HORMAD2: variants seen among roughly 807,000 people sequenced by gnomAD.
HORMAD2 encodes the protein HORMA domain containing 2, also known as HORMA domain-containing protein 2.
A neutral mutation model predicts 38.8 loss-of-function variants in HORMAD2; 45 were observed. That is an observed-to-expected ratio of 1.16 (90% CI 0.91 to 1.49). The LOEUF (loss-of-function observed/expected upper bound fraction) is 1.49. Among genes scored for constraint, HORMAD2 ranks in the 40% most tolerant of loss-of-function variants. The pLI, the probability that HORMAD2 is intolerant of heterozygous loss-of-function variation, is 0.00. For missense variants in HORMAD2, 338 were observed against 367.0 expected (o/e 0.92, Z 0.65); for synonymous variants, 126 against 122.8 (o/e 1.03, Z -0.17).
chr22:30,102,852 C>T (rs571024957), intron 3 of HORMAD2, among the ~76,000 whole-genome samples: 4 of 152,122 alleles, frequency 2.6e-5, no homozygotes, highest in African/African-American at 4.8e-5. Context: ...CTGGTTTCGA[C>T]GTCCTAGGCT....
the HORMAD2 span, among the ~76,000 whole-genome samples, chr22:30,199,537 A>G: frequency 6.6e-6 from 1 of 151,996 alleles, no homozygotes; most frequent in Non-Finnish European, 1.5e-5. Flanking sequence ...TGGCCATCTC[A>G]CCTCACTCTG....
chr22:30,104,259 T>TA (rs1921021326), intron 4 of HORMAD2, 142 bp from the exon 5 acceptor site: 3 of 697,874 alleles, frequency 4.3e-6, no homozygotes, highest in Non-Finnish European at 7.5e-6. Context: ...GCTGGAAGTT[T>TA]AAAAAAATGA....
the HORMAD2 span, among the ~76,000 whole-genome samples, chr22:30,190,754 A>G: frequency 6.6e-6 from 1 of 152,236 alleles, no homozygotes; most frequent in African/African-American, 2.4e-5. Flanking sequence ...TTTTGAGAGA[A>G]CAGCTGTAGC....
At chr22:30,194,699 A>G in the HORMAD2 span, among the ~76,000 whole-genome samples, 1,439 of 152,308 alleles carry the variant, frequency 9.4e-3, 16 homozygotes, top group Non-Finnish European at 0.014. Flanking sequence ...CCAGGTCACA[A>G]CGGGGAACTG....
the HORMAD2 span, among the ~76,000 whole-genome samples, chr22:30,190,299 A>G: frequency 1.3e-5 from 2 of 152,148 alleles, no homozygotes; most frequent in African/African-American, 4.8e-5. Flanking sequence ...CAGACCACAA[A>G]ATTTTCTCTG....
chr22:30,140,155 T>C (rs533407576), intron 10 of HORMAD2, among the ~76,000 whole-genome samples: 11 of 152,230 alleles, frequency 7.2e-5, no homozygotes, highest in African/African-American at 1.9e-4. Context: ...TCCCAGCTAC[T>C]TGGGGGGCTG....
At chr22:30,171,210 C>T (rs1601597639) in intron 10 of HORMAD2, among the ~76,000 whole-genome samples, 1 of 152,162 alleles carries the variant, frequency 6.6e-6, no homozygotes, top group African/African-American at 2.4e-5. Flanking sequence ...CATTAGTTAT[C>T]CTCCGTATGC....
At chr22:30,162,098 A>G (rs1925477173) in intron 10 of HORMAD2, among the ~76,000 whole-genome samples, 1 of 152,190 alleles carries the variant, frequency 6.6e-6, no homozygotes, top group East Asian at 1.9e-4. Context: ...CGATAACTTT[A>G]GCCCAGCAGT....
In HORMAD2 at chr22:30,137,185, G is replaced by T. The variant is rs185842172; in HGVS notation, c.819+14971G>T. On this transcript the variant is annotated intron_variant, in intron 10 of 10. Coordinates refer to ENST00000336726, the MANE Select transcript of HORMAD2 (RefSeq NM_152510.4). ...CCATGGAAATTAATCAGGCATTTTTGCCCTGAACATCTTCAGTATCAGCTT... is the reference window on the plus strand; with the variant it reads ...CCATGGAAATTAATCAGGCATTTTTTCCCTGAACATCTTCAGTATCAGCTT... The T allele has an allele frequency of 3.1e-5, 18 of 574,146 alleles. No individual in the cohort carries two copies. The East Asian group carries it at 6.4e-4, about 20-fold the overall frequency. 35.6% of individuals were successfully genotyped at this position (574,146 alleles called of 1,614,324 possible).
chr22:30,188,702 C>T, the HORMAD2 span, among the ~76,000 whole-genome samples: 1 of 152,142 alleles, frequency 6.6e-6, no homozygotes, highest in African/African-American at 2.4e-5. Flanking sequence ...TTTTGGAAAC[C>T]AAAACTCACT....
rs1920980316 is a variant in HORMAD2, at chr22:30,103,605, C to A, written c.257+105C>A. ...AAGATCATTTTTTAAAAAACCATTT[C>A]TTCTTTTCTACTTTCCCTCTTTCTT... On this transcript the variant is annotated intron_variant, in intron 4 of 10. Coordinates refer to ENST00000336726, the MANE Select transcript of HORMAD2 (RefSeq NM_152510.4). The A allele has an allele frequency of 4.5e-5, 15 of 331,018 alleles. No homozygotes were observed. In the South Asian group the frequency reaches 8.4e-4, roughly 18 times the overall value. The allele number at this position is 331,018 out of a possible 1,614,324, so 20.5% of individuals were successfully genotyped here.
At chr22:30,089,412 G>A (rs140521176) in intron 1 of HORMAD2, among the ~76,000 whole-genome samples, 2,411 of 151,452 alleles carry the variant, frequency 0.016, 41 homozygotes, top group Middle Eastern at 0.034. Context: ...GAGTGCAGTG[G>A]CGCAATCTTG....
intron 1 of HORMAD2, among the ~76,000 whole-genome samples, chr22:30,081,711 G>A (rs1259602960): frequency 2.6e-5 from 4 of 152,024 alleles, no homozygotes; most frequent in African/African-American, 9.7e-5. Flanking sequence ...ATGTAGCTGG[G>A]ACTACAGGTG....
the HORMAD2 span, among the ~76,000 whole-genome samples, chr22:30,206,468 T>C: frequency 6.6e-6 from 1 of 151,112 alleles, no homozygotes; most frequent in African/African-American, 2.4e-5. Flanking sequence ...TGTTTTATTT[T>C]TTGTTTTGTT....
At chr22:30,136,249 A>G (rs924606085) in intron 10 of HORMAD2, among the ~76,000 whole-genome samples, 1 of 152,190 alleles carries the variant, frequency 6.6e-6, no homozygotes, top group Admixed American at 6.5e-5. Context: ...TCAAAAGACT[A>G]CATACTATTT....
chr22:30,163,102 A>G (rs1020553243), intron 10 of HORMAD2, among the ~76,000 whole-genome samples: 23 of 152,210 alleles, frequency 1.5e-4, no homozygotes, highest in African/African-American at 5.5e-4. Flanking sequence ...CCCTATTAGT[A>G]TACTTAAATG....
intron 10 of HORMAD2, among the ~76,000 whole-genome samples, chr22:30,123,041 A>G (rs1196710290): frequency 6.6e-5 from 10 of 152,220 alleles, no homozygotes; most frequent in Non-Finnish European, 1.5e-4. Flanking sequence ...AGGTGACTGT[A>G]CTAGGTAACT....
chr22:30,202,476 C>T, the HORMAD2 span, among the ~76,000 whole-genome samples: 1 of 151,694 alleles, frequency 6.6e-6, no homozygotes, highest in African/African-American at 2.4e-5. Flanking sequence ...AACACAAGGG[C>T]TTTCCCTGGC....
At chr22:30,080,280 C>T (rs2068444764), upstream of HORMAD2, 1 of 152,442 alleles carries the variant, frequency 6.6e-6, no homozygotes, top group Non-Finnish European at 1.5e-5. Flanking sequence ...GGGCTAGGGG[C>T]CGGCTAGCCG....
Sources: gnomAD v4.1 joint callset for allele counts (sites outside exome capture counted in the v4.1 genomes callset) on GRCh38, gnomAD v4.1.1 for gene constraint, MANE v1.5 for transcripts, NCBI Gene and HGNC (gene_info 2026-07-23, HGNC 2026-07-21) for gene names.